ZFR: variants seen among roughly 807,000 people sequenced by gnomAD.
ZFR encodes zinc finger RNA-binding protein.
In ZFR, 19 loss-of-function variants were observed where a neutral mutation model predicts 130.7. The ratio of observed to expected loss-of-function variants is 0.15; its 90% CI spans 0.10 to 0.21. ZFR has a LOEUF of 0.21. Ranked by LOEUF, ZFR falls within the 10% of genes least tolerant of loss-of-function variation. The pLI is 1.00. For missense variants in ZFR, 872 were observed against 1,321.5 expected (o/e 0.66, Z 5.27); for synonymous variants, 466 against 456.9 (o/e 1.02, Z -0.25).
At chr5:32,360,849 C>T (rs1422515547) in intron 19 of ZFR, among the ~76,000 whole-genome samples, 5 of 151,992 alleles carry the variant, frequency 3.3e-5, no homozygotes, top group African/African-American at 4.8e-5. Flanking sequence ...ACCTCGGCCT[C>T]GCAAACTGTT....
At chr5:32,362,297 G>A (rs1752450752) in intron 19 of ZFR, among the ~76,000 whole-genome samples, 1 of 152,090 alleles carries the variant, frequency 6.6e-6, no homozygotes, top group Admixed American at 6.5e-5. Flanking sequence ...AATGACAAAG[G>A]CTGTATCTGG....
intron 2 of ZFR, among the ~76,000 whole-genome samples, chr5:32,429,837 A>C (rs1250537209): frequency 6.6e-6 from 1 of 152,090 alleles, no homozygotes; most frequent in Non-Finnish European, 1.5e-5. Context: ...GGGAGGTCAA[A>C]GGGGGAGAAT....
intron 2 of ZFR, among the ~76,000 whole-genome samples, chr5:32,422,575 C>G (rs1293121541): frequency 1.3e-5 from 2 of 151,448 alleles, no homozygotes; most frequent in East Asian, 2.0e-4. Flanking sequence ...GGCAGCAGGA[C>G]TGCTTGAAGT....
intron 2 of ZFR, among the ~76,000 whole-genome samples, chr5:32,424,126 T>C (rs1006089052): frequency 6.6e-6 from 1 of 151,966 alleles, no homozygotes; most frequent in Non-Finnish European, 1.5e-5. Context: ...GAAGTGAGTA[T>C]AGATTGGAAT....
At chr5:32,373,485 A>C (rs1005919017) in intron 17 of ZFR, among the ~76,000 whole-genome samples, 3 of 152,212 alleles carry the variant, frequency 2.0e-5, no homozygotes, top group Non-Finnish European at 4.4e-5. Flanking sequence ...TATGCAGCCA[A>C]AACTCTTGTG....
rs758254326 is a variant in ZFR at position 32,364,297 on chromosome 5, G to A, written c.2836-22C>T. ...TAGCCTAAAAATACAACATAAAAAT[G>A]TGTTTAACAGCTTACCAAAGGAATT... On this transcript the variant is annotated intron_variant, in intron 17 of 19. Coordinates refer to ENST00000265069, the MANE Select transcript of ZFR (RefSeq NM_016107.5). 41 of 1,530,786 alleles carry A rather than the reference G, an allele frequency of 2.7e-5. No individual in the cohort carries two copies. The South Asian group carries it at 3.6e-4, about 13-fold the overall frequency. 94.8% of individuals were successfully genotyped at this position (1,530,786 alleles called of 1,614,324 possible). A position where few individuals can be genotyped will look rare whatever the true frequency, so the allele number is the denominator to read the frequency against.
At chr5:32,370,333 G>C (rs891469786) in intron 17 of ZFR, among the ~76,000 whole-genome samples, 2 of 63,292 alleles carry the variant, frequency 3.2e-5, no homozygotes, top group East Asian at 2.3e-3. Flanking sequence ...GAGAGAGAGA[G>C]AGAGAGAGAG....
At chr5:32,381,930 G>A (rs1313331809) in intron 15 of ZFR, among the ~76,000 whole-genome samples, 1 of 152,024 alleles carries the variant, frequency 6.6e-6, no homozygotes, top group Non-Finnish European at 1.5e-5. Flanking sequence ...GAAATAACCT[G>A]AACATAAGAA....
At position 32,419,718 on chromosome 5, in the gene ZFR, T is replaced by G. The variant is rs1753910259; in HGVS notation, c.420+103A>C. The G allele has an allele frequency of 3.4e-6, 5 of 1,482,678 alleles. No homozygotes were observed. In the Admixed American group the frequency reaches 1.1e-4, roughly 34 times the overall value. 91.8% of individuals were successfully genotyped at this position (1,482,678 alleles called of 1,614,324 possible). On this transcript the variant is annotated intron_variant, in intron 3 of 19. Transcript: ENST00000265069. ...TTTTCTCTATCAGTACATGTGTATT[T>G]TGGAAGCCCCAAGTTTGAGAAGCAA... is the stretch of plus-strand genomic sequence containing the variant.
Position 32,390,283 on chromosome 5 carries a change from CCT to C in ZFR, c.2132_2133del (p.Gln711ArgfsTer9), listed in dbSNP as rs1412732004. On this transcript the variant is annotated frameshift_variant, in exon 12 of 20. Coordinates refer to ENST00000265069, the MANE Select transcript of ZFR (RefSeq NM_016107.5). LOFTEE classifies it high-confidence loss of function. ...GVRPGMPPQP[Q>X]GPAPLRRPDS... ...CCAACGTGGACACTCACTGCAGGCC[CCT>C]GAGGCTGAGGAGGCATGCCTGGTCG... is the stretch of plus-strand genomic sequence containing the variant. The C allele has an allele frequency of 1.9e-6, 3 of 1,613,410 alleles. No homozygotes were observed. The highest frequency in any genetic ancestry group is 1.7e-6 in the Non-Finnish European group (2 of 1,179,394).
chr5:32,380,657 T>A (rs1296178625), intron 15 of ZFR, among the ~76,000 whole-genome samples: 1 of 75,426 alleles, frequency 1.3e-5, no homozygotes, highest in Non-Finnish European at 3.4e-5. Flanking sequence ...TTTCTTTTTT[T>A]TTTTTTTTTT....
intron 17 of ZFR, among the ~76,000 whole-genome samples, chr5:32,375,117 T>C (rs375141557): frequency 1.1e-4 from 17 of 152,360 alleles, no homozygotes; most frequent in African/African-American, 4.1e-4. Flanking sequence ...TATTCTCATA[T>C]GTATGAAGAA....
At chr5:32,396,416 G>T (rs542673812) in intron 10 of ZFR, among the ~76,000 whole-genome samples, 2 of 151,732 alleles carry the variant, frequency 1.3e-5, no homozygotes, top group African/African-American at 2.4e-5. Context: ...AGAAAACATG[G>T]ATCTAGTACA....
At chr5:32,409,652 T>C (rs1229281998) in intron 5 of ZFR, among the ~76,000 whole-genome samples, 1 of 152,184 alleles carries the variant, frequency 6.6e-6, no homozygotes, top group East Asian at 1.9e-4. Flanking sequence ...GTTACCCACC[T>C]ACCTCGGCCT....
rs538516737 is a variant in ZFR, at chr5:32,372,821, C to T, written c.2835+6294G>A. Among the ~76,000 whole-genome samples the T allele has an allele frequency of 1.1e-4, 16 of 151,702 alleles. No individual in the cohort carries two copies. In the East Asian group the frequency reaches 1.4e-3, roughly 13 times the overall value. ...CTGCACTCTAGTCTGGGCGACACAG[C>T]AAGACTTGGTCTCAAAAAAACAAAC... On this transcript the variant is annotated intron_variant, in intron 17 of 19. Transcript: ENST00000265069.
At position 32,379,145 on chromosome 5, in the gene ZFR, T is replaced by A; in HGVS notation, c.2805A>T (p.Arg935=). The part of the protein sequence containing the change: ...IIRILRDLCQ[R]VPTWSDFPSW... ...TTGGAAAATCAGACCAAGTTGGAAC[T>A]CGCTGACAGAGGTCTCGAAGAATGC... Residue 935 remains arginine (R), a synonymous_variant, in exon 17 of 20, where the codon CGA becomes CGT. Coordinates refer to ENST00000265069, the MANE Select transcript of ZFR (RefSeq NM_016107.5). 1.2e-6 allele frequency: 2 copies of A among 1,613,946 alleles called. No homozygotes were observed. Among genetic ancestry groups the A allele is most frequent in the Non-Finnish European group, 1.7e-6 (2 of 1,179,980 alleles).
intron 9 of ZFR, among the ~76,000 whole-genome samples, chr5:32,397,732 G>A (rs1753349176): frequency 6.6e-6 from 1 of 151,956 alleles, no homozygotes; most frequent in South Asian, 2.1e-4. Flanking sequence ...TGGGATTACA[G>A]GCATGAGCCA....
rs375381631 is a variant in ZFR at position 32,420,880 on chromosome 5, T to C, written c.138-777A>G. On this transcript the variant is annotated intron_variant, in intron 2 of 19. Transcript: ENST00000265069. ...ACAATGGAATATCTATTATTTTAGATACATTTTCCAGCTTACAGGGAGCAT... is the reference window on the plus strand; with the variant it reads ...ACAATGGAATATCTATTATTTTAGACACATTTTCCAGCTTACAGGGAGCAT... Among the ~76,000 whole-genome samples the C allele has an allele frequency of 8.1e-4, 123 of 152,370 alleles. 1 individual carries two copies. The highest frequency in any genetic ancestry group is 2.7e-3 in the African/African-American group (112 of 41,594).
chr5:32,444,563 C>G (rs1754562779), intron 1 of ZFR, 59 bp downstream of exon 1: 1 of 1,439,522 alleles, frequency 6.9e-7, no homozygotes, highest in Non-Finnish European at 9.1e-7. Flanking sequence ...CGCGGCTCCC[C>G]GCTGCCCGGG....
Sources: gnomAD v4.1 joint callset for allele counts (sites outside exome capture counted in the v4.1 genomes callset) on GRCh38, gnomAD v4.1.1 for gene constraint, MANE v1.5 for transcripts, NCBI Gene and HGNC (gene_info 2026-07-23, HGNC 2026-07-21) for gene names.